C1orf159: variants seen among roughly 807,000 people sequenced by gnomAD.
C1orf159 encodes uncharacterized protein C1orf159.
A neutral mutation model predicts 25.6 loss-of-function variants in C1orf159; 19 were observed. The ratio of observed to expected loss-of-function variants is 0.74; its 90% CI spans 0.52 to 1.09. The LOEUF (loss-of-function observed/expected upper bound fraction) is 1.09, where lower values mean the gene tolerates loss of function less well. C1orf159 is among the 50% of genes least tolerant of loss of function. C1orf159 has a pLI of 0.00. For synonymous variants in C1orf159, 139 were observed against 124.7 expected, an observed-to-expected ratio of 1.12 and a Z score of -0.77; for missense variants, 274 against 290.6, an observed-to-expected ratio of 0.94 and a Z score of 0.42.
At chr1:1,086,583 C>T (rs1235038409) in intron 6 of C1orf159, among the ~76,000 whole-genome samples, 1 of 152,236 alleles carries the variant, frequency 6.6e-6, no homozygotes, top group African/African-American at 2.4e-5. Flanking sequence ...GCGTGTTTGC[C>T]AGGCTTGGGG....
intron 6 of C1orf159, 72 bp from the exon 7 acceptor site, chr1:1,086,084 C>G: frequency 6.4e-7 from 1 of 1,556,000 alleles, no homozygotes; most frequent in Non-Finnish European, 8.7e-7. Flanking sequence ...CCGGTGCCCC[C>G]TGCACATGGC....
At chr1:1,109,761 G>A (rs573665615) in intron 1 of C1orf159, among the ~76,000 whole-genome samples, 8 of 152,298 alleles carry the variant, frequency 5.3e-5, no homozygotes, top group Admixed American at 3.3e-4. Context: ...ATGTAACGCA[G>A]GACCCATGTT....
Position 1,102,536 on chromosome 1 carries a change from T to C in C1orf159, c.-135-10433A>G, listed in dbSNP as rs535996620. 1.7e-4 allele frequency among the ~76,000 whole-genome samples: 24 copies of C among 142,762 alleles called. No individual in the cohort carries two copies. In the East Asian group the frequency reaches 5.5e-3, roughly 33 times the overall value. 93.7% of individuals were successfully genotyped at this position (142,762 alleles called of 152,430 possible). On this transcript the variant is annotated intron_variant, in intron 1 of 9. Transcript: ENST00000421241. ...GGCTCACGCCTGTAATCCCAGCACC[T>C]TGAGAGGCTGAGGTAGGTGGATCAC...
At chr1:1,095,185 C>T (rs6687776) in intron 1 of C1orf159, among the ~76,000 whole-genome samples, 40,988 of 152,096 alleles carry the variant, frequency 0.27, 7,191 homozygotes, top group African/African-American at 0.51. Context: ...TGATTAATTG[C>T]TTTGGCAATT....
At chr1:1,112,031 T>C (rs903345662) in intron 1 of C1orf159, among the ~76,000 whole-genome samples, 1 of 151,910 alleles carries the variant, frequency 6.6e-6, no homozygotes, top group African/African-American at 2.4e-5. Context: ...CACACCGGAG[T>C]CGGGCGGTTG....
chr1:1,108,471 T>C (rs1221429854), intron 1 of C1orf159, among the ~76,000 whole-genome samples: 1 of 106,892 alleles, frequency 9.4e-6, no homozygotes, highest in Non-Finnish European at 1.9e-5. Context: ...ACAGCCACCA[T>C]GTCTCAGCAG....
chr1:1,088,566 C>T (rs902030963), intron 4 of C1orf159, among the ~76,000 whole-genome samples: 7 of 151,418 alleles, frequency 4.6e-5, no homozygotes, highest in African/African-American at 1.7e-4. Flanking sequence ...GCCAGGCCGA[C>T]GCTGCGCCTG....
intron 1 of C1orf159, 72 bp from the exon 2 acceptor site, chr1:1,092,175 G>A (rs933477991): frequency 1.8e-4 from 64 of 348,992 alleles, no homozygotes; most frequent in Middle Eastern, 7.1e-4. Flanking sequence ...CCTACGGTGC[G>A]GGGTCTGGGT....
intron 9 of C1orf159, 114 bp from the exon 10 acceptor site, chr1:1,083,101 G>T: frequency 1.2e-6 from 1 of 857,110 alleles, no homozygotes; most frequent in Non-Finnish European, 1.8e-6. Context: ...CAGGCGCCCG[G>T]GGCTGTTTAC....
At chr1:1,111,605 C>G (rs1186161610) in intron 1 of C1orf159, among the ~76,000 whole-genome samples, 4 of 152,130 alleles carry the variant, frequency 2.6e-5, no homozygotes, top group Non-Finnish European at 5.9e-5. Context: ...AAATAAGTAA[C>G]ATCTTGCAAA....
chr1:1,086,109 C>G, intron 6 of C1orf159, 97 bp from the exon 7 acceptor site: 1 of 1,423,984 alleles, frequency 7.0e-7, no homozygotes, highest in Admixed American at 2.0e-5. Context: ...GCGCTGCTCT[C>G]TGAACATGCC....
chr1:1,105,324 C>T (rs1271804512), intron 1 of C1orf159, among the ~76,000 whole-genome samples: 2 of 151,716 alleles, frequency 1.3e-5, no homozygotes, highest in African/African-American at 4.8e-5. Context: ...GTTTTAAGAC[C>T]GGCCTGGGCA....
chr1:1,096,468 C>T (rs985896046), intron 1 of C1orf159, among the ~76,000 whole-genome samples: 1 of 151,966 alleles, frequency 6.6e-6, no homozygotes, highest in Non-Finnish European at 1.5e-5. Flanking sequence ...GCACCCGTTC[C>T]CCCTCCTCTT....
chr1:1,083,972 G>T (rs749166549), intron 9 of C1orf159: 3 of 1,604,792 alleles, frequency 1.9e-6, no homozygotes, highest in Middle Eastern at 1.7e-4. Flanking sequence ...CTGCTCAGGA[G>T]GGCCTGGCGG....
At chr1:1,114,890 G>A (rs904168938) in intron 1 of C1orf159, 4 of 152,042 alleles carry the variant, frequency 2.6e-5, no homozygotes, top group Admixed American at 2.6e-4. Context: ...GGGGGACAAG[G>A]ATAAAAAGCT....
chr1:1,108,366 T>C (rs1313364813), intron 1 of C1orf159, among the ~76,000 whole-genome samples: 1 of 92,472 alleles, frequency 1.1e-5, no homozygotes, highest in Non-Finnish European at 1.9e-5. Context: ...TTGGCACTGT[T>C]CACCACAGCC....
chr1:1,086,110 T>C, intron 6 of C1orf159, 98 bp from the exon 7 acceptor site: 8 of 1,422,232 alleles, frequency 5.6e-6, no homozygotes, highest in Non-Finnish European at 7.6e-6. Flanking sequence ...CGCTGCTCTC[T>C]GAACATGCCT....
At position 1,088,047 on chromosome 1, in the gene C1orf159, C is replaced by T. The variant is rs553589388; in HGVS notation, c.149-450G>A. On this transcript the variant is annotated intron_variant, in intron 4 of 9. Transcript: ENST00000421241. ...AATGAACAGGCCTGTTGGAGGGACT[C>T]GTGCTCTGCAGGACTGCAGGCTGGG... is the stretch of plus-strand genomic sequence containing the variant. Among the ~76,000 whole-genome samples the T allele has an allele frequency of 2.6e-5, 4 of 152,034 alleles. No homozygotes were observed. The East Asian group carries it at 5.8e-4, about 22-fold the overall frequency.
At chr1:1,108,822 T>C (rs1188990046) in intron 1 of C1orf159, among the ~76,000 whole-genome samples, 4 of 80,580 alleles carry the variant, frequency 5.0e-5, no homozygotes, top group Admixed American at 1.4e-4. Flanking sequence ...TGCAGCAGCA[T>C]TGTTCACCAC....
Sources: gnomAD v4.1 joint callset for allele counts (sites outside exome capture counted in the v4.1 genomes callset) on GRCh38, gnomAD v4.1.1 for gene constraint, MANE v1.5 for transcripts, NCBI Gene and HGNC (gene_info 2026-07-23, HGNC 2026-07-21) for gene names.